The following CCDC18 variants were observed in gnomAD, a reference collection of about 807,000 sequenced individuals.
The protein encoded by CCDC18 is coiled-coil domain containing 18.
In CCDC18, 157 loss-of-function variants were observed where a neutral mutation model predicts 196.0. The observed-to-expected ratio is 0.80, with a 90% CI of 0.70 to 0.91. CCDC18 has a LOEUF of 0.91. CCDC18 is among the 40% of genes least tolerant of loss of function. The pLI, the probability that CCDC18 is intolerant of heterozygous loss-of-function variation, is 0.00. For synonymous variants in CCDC18, 482 were observed against 529.2 expected (o/e 0.91, Z 1.22); for missense variants, 1,465 against 1,611.6 (o/e 0.91, Z 1.56).
At chr1:93,227,499 T>C (rs1354860059) in intron 17 of CCDC18, among the ~76,000 whole-genome samples, 1 of 151,912 alleles carries the variant, frequency 6.6e-6, no homozygotes, top group Non-Finnish European at 1.5e-5. Flanking sequence ...CTTACTCATC[T>C]CTGTATGCTC....
chr1:93,180,387 C>G, upstream of CCDC18: 3 of 1,248,900 alleles, frequency 2.4e-6, no homozygotes, highest in Non-Finnish European at 3.3e-6. Flanking sequence ...GGCGAACACT[C>G]CCTCCGAAAG....
intron 18 of CCDC18, 40 bp downstream of exon 18, chr1:93,232,633 A>T (rs1659419297): frequency 7.0e-7 from 1 of 1,429,436 alleles, no homozygotes. Context: ...TTTGTATGAA[A>T]TAGAAATTTT....
At chr1:93,235,181 C>T (rs1193137745) in intron 18 of CCDC18, among the ~76,000 whole-genome samples, 5 of 151,688 alleles carry the variant, frequency 3.3e-5, no homozygotes, top group Admixed American at 6.6e-5. Flanking sequence ...TTTAGAAGAA[C>T]GGGGGATATG....
chr1:93,187,495 T>C (rs1650922728), intron 4 of CCDC18, among the ~76,000 whole-genome samples: 1 of 152,104 alleles, frequency 6.6e-6, no homozygotes, highest in African/African-American at 2.4e-5. Flanking sequence ...GGTTAGAAAC[T>C]ATGCTTCACA....
At chr1:93,259,758 G>A (rs146415021) in intron 26 of CCDC18, among the ~76,000 whole-genome samples, 93 of 152,304 alleles carry the variant, frequency 6.1e-4, no homozygotes, top group Middle Eastern at 3.4e-3. Context: ...AATGAATGCT[G>A]TTGGACTCAG....
intron 13 of CCDC18, among the ~76,000 whole-genome samples, chr1:93,217,184 T>C (rs571731373): frequency 4.1e-4 from 62 of 152,274 alleles, no homozygotes; most frequent in African/African-American, 1.4e-3. Context: ...TCCACCCGCC[T>C]CAGCCTTCCA....
At chr1:93,248,012 T>C (rs1286891434) in intron 23 of CCDC18, among the ~76,000 whole-genome samples, 1 of 133,022 alleles carries the variant, frequency 7.5e-6, no homozygotes, top group Admixed American at 7.3e-5. Flanking sequence ...TTTCCTTCTT[T>C]TTTTTTTTTT....
At chr1:93,226,753 T>C (rs1397437724) in intron 17 of CCDC18, among the ~76,000 whole-genome samples, 1 of 151,986 alleles carries the variant, frequency 6.6e-6, no homozygotes, top group African/African-American at 2.4e-5. Flanking sequence ...AGGCTGGCCT[T>C]GAACTCCTGG....
intron 8 of CCDC18, 99 bp downstream of exon 8, chr1:93,205,730 C>T: frequency 8.9e-7 from 1 of 1,119,590 alleles, no homozygotes; most frequent in South Asian, 1.4e-5. Context: ...TATAGGCTTA[C>T]ATTATATAGA....
chr1:93,180,566 TTGTGGGAAA>T, upstream of CCDC18: 9 of 1,439,668 alleles, frequency 6.3e-6, no homozygotes, highest in Non-Finnish European at 8.4e-6. Flanking sequence ...ATGGCGGTAA[TTGTGGGAAA>T]TGTAGTCCCG....
chr1:93,225,441 A>C (rs1382981678), intron 16 of CCDC18, among the ~76,000 whole-genome samples: 4 of 152,148 alleles, frequency 2.6e-5, no homozygotes, highest in Non-Finnish European at 5.9e-5. Context: ...CTTTTTTTCT[A>C]GCTGACAAAT....
At chr1:93,278,427 T>A (rs1665752335) in intron 28 of CCDC18, 36 bp from the exon 29 acceptor site, 3 of 892,064 alleles carry the variant, frequency 3.4e-6, no homozygotes, top group Non-Finnish European at 5.0e-6. Flanking sequence ...TTTAGGAATA[T>A]TTCAAATATT....
At chr1:93,183,270 C>T in intron 1 of CCDC18, 90 bp from the exon 2 acceptor site, 1 of 867,994 alleles carries the variant, frequency 1.2e-6, no homozygotes, top group Non-Finnish European at 1.7e-6. Flanking sequence ...AAATAGAAAA[C>T]TAATGAGTTA....
chr1:93,234,162 T>C (rs936388700), intron 18 of CCDC18, among the ~76,000 whole-genome samples: 3 of 152,126 alleles, frequency 2.0e-5, no homozygotes, highest in Non-Finnish European at 2.9e-5. Context: ...TCACTTTTTT[T>C]TCTTTTTTTT....
intron 7 of CCDC18, 132 bp downstream of exon 7, chr1:93,202,120 TAAAC>T: frequency 1.8e-6 from 1 of 546,822 alleles, no homozygotes; most frequent in Non-Finnish European, 3.2e-6. Context: ...ATCATTTAAA[TAAAC>T]AATTTGTAAA....
chr1:93,225,247 C>T (rs1045192399), intron 16 of CCDC18, among the ~76,000 whole-genome samples: 1 of 152,174 alleles, frequency 6.6e-6, no homozygotes, highest in African/African-American at 2.4e-5. Flanking sequence ...AGACAAGAAT[C>T]TTAATAGATG....
chr1:93,252,963 T>C (rs968804451), intron 23 of CCDC18, among the ~76,000 whole-genome samples: 2 of 152,250 alleles, frequency 1.3e-5, no homozygotes, highest in Non-Finnish European at 2.9e-5. Flanking sequence ...TGGGAATGCT[T>C]GCCAGGGACC....
intron 21 of CCDC18, among the ~76,000 whole-genome samples, chr1:93,243,056 C>T (rs1661032306): frequency 6.6e-6 from 1 of 152,186 alleles, no homozygotes; most frequent in Non-Finnish European, 1.5e-5. Context: ...GGTGGCCCTC[C>T]CTCTTCTCAC....
At chr1:93,231,574 A>AT (rs1356781591) in intron 17 of CCDC18, among the ~76,000 whole-genome samples, 2 of 152,172 alleles carry the variant, frequency 1.3e-5, no homozygotes, top group African/African-American at 4.8e-5. Context: ...TGTTGATAGT[A>AT]TTTTAAAAAT....
Sources: allele counts gnomAD v4.1 joint callset (sites outside exome capture counted in the v4.1 genomes callset), GRCh38; gene constraint gnomAD v4.1.1; transcripts MANE v1.5; gene names NCBI Gene and HGNC (gene_info 2026-07-23, HGNC 2026-07-21).